The following ATP1A2 variants were observed in gnomAD, a reference collection of about 807,000 sequenced individuals.
ATP1A2 encodes the protein sodium/potassium-transporting ATPase subunit alpha-2.
In ATP1A2, 56 loss-of-function variants were observed where a neutral mutation model predicts 113.1. That is an observed-to-expected ratio of 0.49 (90% CI 0.40 to 0.62). The LOEUF (loss-of-function observed/expected upper bound fraction) is 0.62. Among genes scored for constraint, ATP1A2 ranks in the 20% least tolerant of loss-of-function variants. The probability of loss-of-function intolerance (pLI) is 0.00; values close to 1 mark genes in which losing one functional copy is unlikely to be tolerated. For missense variants in ATP1A2, 712 were observed against 1,357.8 expected (o/e 0.52, Z 7.47); for synonymous variants, 490 against 526.8 (o/e 0.93, Z 0.96).
chr1:160,124,221 G>A, intron 5 of ATP1A2, 75 bp from the exon 6 acceptor site: 4 of 1,555,312 alleles, frequency 2.6e-6, no homozygotes, highest in South Asian at 1.2e-5. Flanking sequence ...TCTGCTTGAC[G>A]GTGTGGGAGA....
chr1:160,125,272 C>A lies in ATP1A2; in HGVS notation c.748+19C>A. On this transcript the variant is annotated intron_variant, in intron 7 of 22. Coordinates refer to ENST00000361216, the MANE Select transcript of ATP1A2 (RefSeq NM_000702.4). Reference sequence around the variant, plus strand: ...GTTGAAGGTGAGAAGCCAGGCTGCCCCCTGTAGGAAAGAGTCTGAATCCTG... The same window carrying A: ...GTTGAAGGTGAGAAGCCAGGCTGCCACCTGTAGGAAAGAGTCTGAATCCTG... The A allele has an allele frequency of 1.3e-6, 2 of 1,595,736 alleles. No homozygotes were observed. Among genetic ancestry groups the A allele is most frequent in the South Asian group, 2.2e-5 (2 of 90,662 alleles).
At chr1:160,124,218 G>T in intron 5 of ATP1A2, 78 bp from the exon 6 acceptor site, 1 of 1,554,770 alleles carries the variant, frequency 6.4e-7, no homozygotes, top group South Asian at 1.2e-5. Flanking sequence ...CCTTCTGCTT[G>T]ACGGTGTGGG....
At position 160,141,818 on chromosome 1, in the gene ATP1A2, T is replaced by C. The variant is rs564970118; in HGVS notation, c.*496T>C. 20 of 194,508 alleles carry C rather than the reference T, an allele frequency of 1.0e-4. No individual in the cohort carries two copies. In the East Asian group the frequency reaches 2.3e-3, roughly 23 times the overall value. 12.0% of individuals were successfully genotyped at this position (194,508 alleles called of 1,614,324 possible). ...ACCTTGCAATCACAAAAGGTTCTTCTGGTGAGTGCAAGAGCCTGAGACTGG... is the reference window on the plus strand; with the variant it reads ...ACCTTGCAATCACAAAAGGTTCTTCCGGTGAGTGCAAGAGCCTGAGACTGG... On this transcript the variant is annotated 3_prime_UTR_variant, in exon 23 of 23. Transcript: ENST00000361216.
At chr1:160,127,039 A>G (rs565637884) in intron 7 of ATP1A2, among the ~76,000 whole-genome samples, 1 of 152,178 alleles carries the variant, frequency 6.6e-6, no homozygotes, top group African/African-American at 2.4e-5. Flanking sequence ...GCTGGCTCCA[A>G]TGTGCATGCT....
At chr1:160,139,779 G>A (rs866100483) in intron 21 of ATP1A2, 38 bp downstream of exon 21, 1 of 1,613,246 alleles carries the variant, frequency 6.2e-7, no homozygotes, top group African/African-American at 1.3e-5. Context: ...TAGTCATACG[G>A]GGGGCCTTCA....
intron 13 of ATP1A2, among the ~76,000 whole-genome samples, 187 bp from the exon 14 acceptor site, chr1:160,134,297 A>G (rs995982918): frequency 1.7e-4 from 25 of 151,098 alleles, no homozygotes; most frequent in Admixed American, 3.3e-4. Flanking sequence ...ACACATACAC[A>G]CACACACATA....
chr1:160,139,830 C>T, intron 21 of ATP1A2, 63 bp from the exon 22 acceptor site: 1 of 1,610,570 alleles, frequency 6.2e-7, no homozygotes, highest in Non-Finnish European at 8.5e-7. Flanking sequence ...TTGAATGCTC[C>T]TTTATGTGAC....
intron 13 of ATP1A2, among the ~76,000 whole-genome samples, chr1:160,131,775 G>A (rs1172107651): frequency 1.3e-5 from 2 of 151,644 alleles, no homozygotes; most frequent in Admixed American, 1.3e-4. Context: ...AGGTTGCAGT[G>A]AGCCGAGATT....
rs746642812 is a variant in ATP1A2, at chr1:160,123,396, G to A, written c.361G>A (p.Asp121Asn). 6.2e-6 allele frequency: 10 copies of A among 1,614,080 alleles called. No individual in the cohort carries two copies. The highest frequency in any genetic ancestry group is 3.3e-4 in the Middle Eastern group (2 of 6,084). Residue 121 changes from aspartate to asparagine, a missense_variant, in exon 4 of 23, where the codon GAT becomes AAT. Physicochemically the swap from Asp to Asn is conservative, Grantham distance 23. This residue lies in a region of ATP1A2 where 109 missense variants were observed against 162.3 expected (regional missense o/e 0.67). Coordinates refer to ENST00000361216, the MANE Select transcript of ATP1A2 (RefSeq NM_000702.4). ...LAYGIQAAME[D>N]EPSNDNLYLG... The stretch of plus-strand genomic sequence containing the variant: ...CTACGGCATCCAGGCTGCCATGGAG[G>A]ATGAACCATCCAACGACAATGTGAG...
intron 20 of ATP1A2, among the ~76,000 whole-genome samples, chr1:160,138,564 G>A (rs4656883): frequency 0.086 from 13,020 of 152,248 alleles, 688 homozygotes; most frequent in East Asian, 0.14. Context: ...TGGAGTAGCC[G>A]GGGACAGTGG....
intron 1 of ATP1A2, among the ~76,000 whole-genome samples, chr1:160,119,056 A>G (rs1224594455): frequency 6.6e-6 from 1 of 151,978 alleles, no homozygotes; most frequent in African/African-American, 2.4e-5. Context: ...AAGATGTATC[A>G]ATGCAGGTTC....
intron 17 of ATP1A2, 70 bp from the exon 18 acceptor site, chr1:160,136,177 G>C: frequency 6.2e-7 from 1 of 1,609,674 alleles, no homozygotes; most frequent in Admixed American, 1.7e-5. Flanking sequence ...CACTGTCGAA[G>C]ATCAATTGCT....
At position 160,141,879 on chromosome 1, in the gene ATP1A2, G is replaced by C. The variant is rs536309486; in HGVS notation, c.*557G>C. 6.1e-6 allele frequency: 1 copy of C among 164,940 alleles called. No individual in the cohort carries two copies. Among genetic ancestry groups the C allele is most frequent in the Admixed American group, 5.7e-5 (1 of 17,604 alleles). 10.2% of individuals were successfully genotyped at this position (164,940 alleles called of 1,614,324 possible). A position where few individuals can be genotyped will look rare whatever the true frequency, so the allele number is the denominator to read the frequency against. The stretch of plus-strand genomic sequence containing the variant: ...CTTGTCTCCCAGTCGAGGCTGGTAA[G>C]GGACCTTCAGGGAGAGCTGGGCAGA... On this transcript the variant is annotated 3_prime_UTR_variant, in exon 23 of 23. Coordinates refer to ENST00000361216, the MANE Select transcript of ATP1A2 (RefSeq NM_000702.4).
At chr1:160,120,002 C>T (rs1651336894) in intron 1 of ATP1A2, among the ~76,000 whole-genome samples, 1 of 151,012 alleles carries the variant, frequency 6.6e-6, no homozygotes, top group Non-Finnish European at 1.5e-5. Flanking sequence ...TCCTGGGTGA[C>T]AGAGTGAGAC....
chr1:160,121,053 G>A (rs905510336), intron 2 of ATP1A2, 43 bp downstream of exon 2: 80 of 1,611,460 alleles, frequency 5.0e-5, no homozygotes, highest in Non-Finnish European at 6.5e-5. Flanking sequence ...CCCATGCTGG[G>A]AGAGCTGTCC....
Position 160,136,568 on chromosome 1 carries a change from A to G in ATP1A2, c.2564-2A>G. Reference sequence around the variant, plus strand: ...CCCCTGCCTTTGGCCCTCTACCCACAGGGATGATCCAGGCACTGGGTGGCT... The same window carrying G: ...CCCCTGCCTTTGGCCCTCTACCCACGGGGATGATCCAGGCACTGGGTGGCT... On this transcript the variant is annotated splice_acceptor_variant, in intron 18 of 22. Coordinates refer to ENST00000361216, the MANE Select transcript of ATP1A2 (RefSeq NM_000702.4). LOFTEE classifies it high-confidence loss of function. 1 of 1,614,206 alleles carries G rather than the reference A, an allele frequency of 6.2e-7. No individual in the cohort carries two copies. Among genetic ancestry groups the G allele is most frequent in the Non-Finnish European group, 8.5e-7 (1 of 1,180,012 alleles).
At chr1:160,127,952 G>C in intron 8 of ATP1A2, 132 bp downstream of exon 8, 1 of 1,273,594 alleles carries the variant, frequency 7.9e-7, no homozygotes, top group South Asian at 1.5e-5. Context: ...GCGATACTCA[G>C]AGATCACTTA....
At chr1:160,122,197 T>A (rs1651422425) in intron 3 of ATP1A2, among the ~76,000 whole-genome samples, 1 of 152,102 alleles carries the variant, frequency 6.6e-6, no homozygotes, top group Admixed American at 6.5e-5. Flanking sequence ...CTTCCCTGAC[T>A]GCTCTTTCTA....
intron 11 of ATP1A2, 146 bp from the exon 12 acceptor site, chr1:160,129,956 C>G: frequency 5.0e-6 from 5 of 1,002,484 alleles, no homozygotes; most frequent in Admixed American, 2.0e-5. Context: ...GTCTAAACAC[C>G]CCCCTGCACA....
Sources: gnomAD v4.1 joint callset for allele counts (sites outside exome capture counted in the v4.1 genomes callset) on GRCh38, gnomAD v4.1.1 for gene constraint, gnomAD v4.1.1 regional missense constraint, MANE v1.5 for transcripts, NCBI Gene and HGNC (gene_info 2026-07-23, HGNC 2026-07-21) for gene names.